Variants in ELAVL2 observed in about 807,000 individuals in gnomAD.
ELAVL2 encodes ELAV-like protein 2.
In ELAVL2, 4 loss-of-function variants were observed where a neutral mutation model predicts 34.6. The ratio of observed to expected loss-of-function variants is 0.12; its 90% CI spans 0.06 to 0.26. The LOEUF (loss-of-function observed/expected upper bound fraction) is 0.26. ELAVL2 is among the 10% of genes least tolerant of loss of function. The probability of loss-of-function intolerance (pLI) is 1.00; values close to 1 mark genes in which losing one functional copy is unlikely to be tolerated. For missense variants in ELAVL2, 432 were observed against 442.8 expected, an observed-to-expected ratio of 0.98 and a Z score of 0.22; for synonymous variants, 193 against 154.8, an observed-to-expected ratio of 1.25 and a Z score of -1.83.
rs143684101 is a variant in ELAVL2, at chr9:23,737,744, A to C, written c.230-6619T>G. ...GTAATGTTTTATGAAATAAAAGAAT[A>C]AAAGCCGTGTGAATCTTTTTCAAAT... On this transcript the variant is annotated intron_variant, in intron 2 of 6. Transcript: ENST00000397312. 7.2e-5 allele frequency among the ~76,000 whole-genome samples: 11 copies of C among 152,332 alleles called. No individual in the cohort carries two copies. The East Asian group carries it at 2.1e-3, about 29-fold the overall frequency.
At chr9:23,765,183 G>A (rs2055951887) in intron 1 of ELAVL2, 4 of 1,255,280 alleles carry the variant, frequency 3.2e-6, no homozygotes, top group Middle Eastern at 3.9e-4. Context: ...TACAGTGATT[G>A]TATTGATATT....
At chr9:23,768,686 T>G (rs761378352) in intron 1 of ELAVL2, among the ~76,000 whole-genome samples, 3 of 152,122 alleles carry the variant, frequency 2.0e-5, no homozygotes, top group Non-Finnish European at 4.4e-5. Flanking sequence ...TATTTTTATT[T>G]CAACAATCTA....
intron 1 of ELAVL2, among the ~76,000 whole-genome samples, chr9:23,794,801 A>G (rs2060717877): frequency 6.6e-6 from 1 of 152,188 alleles, no homozygotes; most frequent in Non-Finnish European, 1.5e-5. Context: ...TTCCTGACCA[A>G]TGGAATACAG....
chr9:23,794,221 G>C (rs2060644954), intron 1 of ELAVL2, among the ~76,000 whole-genome samples: 1 of 152,148 alleles, frequency 6.6e-6, no homozygotes, highest in African/African-American at 2.4e-5. Flanking sequence ...GCAAAGAAAT[G>C]ACACCAATGA....
chr9:23,714,147 C>A (rs1195618957), intron 3 of ELAVL2, among the ~76,000 whole-genome samples: 2 of 152,168 alleles, frequency 1.3e-5, no homozygotes, highest in Non-Finnish European at 2.9e-5. Flanking sequence ...GTGCCAGACA[C>A]TGTTCTGGAT....
intron 3 of ELAVL2, among the ~76,000 whole-genome samples, chr9:23,708,948 T>A (rs2040178140): frequency 6.6e-6 from 1 of 152,166 alleles, no homozygotes; most frequent in Non-Finnish European, 1.5e-5. Flanking sequence ...CCATTAATAT[T>A]TTTAAGAGTA....
At chr9:23,694,379 T>C (rs2034359483) in intron 5 of ELAVL2, among the ~76,000 whole-genome samples, 1 of 152,172 alleles carries the variant, frequency 6.6e-6, no homozygotes, top group African/African-American at 2.4e-5. Context: ...CTCTTCTTTA[T>C]CAGTTTCAAA....
At chr9:23,805,392 A>G (rs2137831837) in intron 1 of ELAVL2, among the ~76,000 whole-genome samples, 1 of 152,364 alleles carries the variant, frequency 6.6e-6, no homozygotes, top group South Asian at 2.1e-4. Context: ...TTCATTAACA[A>G]GAAGTGACAG....
At chr9:23,732,943 T>A (rs2046941076) in intron 2 of ELAVL2, among the ~76,000 whole-genome samples, 1 of 152,090 alleles carries the variant, frequency 6.6e-6, no homozygotes, top group Non-Finnish European at 1.5e-5. Context: ...AGATTTTAAG[T>A]ATATTCATTT....
intron 3 of ELAVL2, among the ~76,000 whole-genome samples, chr9:23,721,041 C>A (rs1272233836): frequency 6.6e-6 from 1 of 152,178 alleles, no homozygotes; most frequent in East Asian, 1.9e-4. Context: ...ATTAGGGTTT[C>A]CTAGATAGCT....
At chr9:23,701,073 C>A (rs1279282922) in intron 5 of ELAVL2, among the ~76,000 whole-genome samples, 9 of 152,142 alleles carry the variant, frequency 5.9e-5, no homozygotes, top group African/African-American at 2.2e-4. Flanking sequence ...GTAGCACCCC[C>A]ACAGGTTGTG....
chr9:23,801,874 G>A (rs1453850430), intron 1 of ELAVL2, among the ~76,000 whole-genome samples: 2 of 152,124 alleles, frequency 1.3e-5, no homozygotes, highest in East Asian at 3.9e-4. Flanking sequence ...CTTCTAACAA[G>A]CGCTGCAAAT....
At chr9:23,754,472 A>G (rs1204974153) in intron 2 of ELAVL2, among the ~76,000 whole-genome samples, 8 of 151,782 alleles carry the variant, frequency 5.3e-5, no homozygotes, top group Non-Finnish European at 1.2e-4. Flanking sequence ...TTTTTTTGTG[A>G]AATGGAGTCT....
the ELAVL2 span, among the ~76,000 whole-genome samples, chr9:23,832,526 C>G: frequency 1.1e-4 from 17 of 152,228 alleles, no homozygotes; most frequent in African/African-American, 3.9e-4. Flanking sequence ...ACACTGTCAT[C>G]TTGATTCACT....
chr9:23,715,860 C>G (rs1204301288), intron 3 of ELAVL2, among the ~76,000 whole-genome samples: 4 of 152,040 alleles, frequency 2.6e-5, no homozygotes, highest in African/African-American at 7.2e-5. Context: ...GAATAAAAAA[C>G]AACCAGTACC....
At chr9:23,830,901 G>GA (rs941902230), upstream of ELAVL2, among the ~76,000 whole-genome samples, 20 of 151,026 alleles carry the variant, frequency 1.3e-4, no homozygotes, top group South Asian at 2.1e-4. Flanking sequence ...GAGGGTGAAG[G>GA]AAAAAAAACC....
At chr9:23,707,322 A>G (rs926308142) in intron 3 of ELAVL2, among the ~76,000 whole-genome samples, 3 of 152,328 alleles carry the variant, frequency 2.0e-5, no homozygotes, top group East Asian at 1.9e-4. Context: ...AAGATTCTCA[A>G]TTATCCAGAA....
At chr9:23,787,972 G>T (rs181158095) in intron 1 of ELAVL2, among the ~76,000 whole-genome samples, 1 of 152,160 alleles carries the variant, frequency 6.6e-6, no homozygotes, top group Non-Finnish European at 1.5e-5. Context: ...GGGAAAGTCT[G>T]AACACAGGCT....
At chr9:23,702,077 T>C (rs2133182944) in intron 4 of ELAVL2, among the ~76,000 whole-genome samples, 1 of 152,236 alleles carries the variant, frequency 6.6e-6, no homozygotes, top group South Asian at 2.1e-4. Context: ...ATGCTAAAAA[T>C]ACATACACTG....
Sources: gnomAD v4.1 joint callset for allele counts (sites outside exome capture counted in the v4.1 genomes callset) on GRCh38, gnomAD v4.1.1 for gene constraint, MANE v1.5 for transcripts, NCBI Gene and HGNC (gene_info 2026-07-23, HGNC 2026-07-21) for gene names.